CDH19: variants seen among roughly 807,000 people sequenced by gnomAD.
CDH19 encodes the protein cadherin-19.
CDH19 carries 67 observed loss-of-function variants against 64.2 expected under a neutral mutation model. The ratio of observed to expected loss-of-function variants is 1.04; its 90% CI spans 0.86 to 1.28. CDH19 has a LOEUF of 1.28. CDH19 is among the 50% of genes most tolerant of loss of function. CDH19 has a pLI of 0.00. For synonymous variants in CDH19, 346 were observed against 319.3 expected (o/e 1.08, Z -0.89); for missense variants, 1,030 against 929.0 (o/e 1.11, Z -1.41).
At position 66,538,339 on chromosome 18, in the gene CDH19, G is replaced by GTTTA. The variant is rs372702672; in HGVS notation, c.1215-3236_1215-3233dup. ...AAGTCCTATTTGATTTTTTTCCAGA[G>GTTTA]TTTACACTAATTAGTATTTTCATCT... On this transcript the variant is annotated intron_variant, in intron 7 of 11. Coordinates refer to ENST00000262150, the MANE Select transcript of CDH19 (RefSeq NM_021153.4). Among the ~76,000 whole-genome samples the GTTTA allele has an allele frequency of 1.8e-3, 277 of 152,034 alleles. 4 individuals carry two copies. The highest frequency in any genetic ancestry group is 6.4e-3 in the African/African-American group (267 of 41,464).
chr18:66,512,214 C>T (rs1425678516), intron 9 of CDH19, among the ~76,000 whole-genome samples: 1 of 151,442 alleles, frequency 6.6e-6, no homozygotes, highest in Admixed American at 6.6e-5. Context: ...TCCTTTGACC[C>T]ATAATGATTA....
chr18:66,547,030 T>C (rs2144499106), intron 5 of CDH19, among the ~76,000 whole-genome samples: 1 of 152,202 alleles, frequency 6.6e-6, no homozygotes, highest in African/African-American at 2.4e-5. Context: ...TCAAGTGATA[T>C]GATCAGACGT....
At chr18:66,543,766 C>A (rs111670587) in intron 7 of CDH19, among the ~76,000 whole-genome samples, 30 of 152,052 alleles carry the variant, frequency 2.0e-4, no homozygotes, top group African/African-American at 7.2e-4. Flanking sequence ...GCCTATAGTC[C>A]CAGCTACTAG....
intron 1 of CDH19, among the ~76,000 whole-genome samples, chr18:66,580,946 A>G (rs756945611): frequency 1.3e-5 from 2 of 152,112 alleles, no homozygotes; most frequent in Non-Finnish European, 2.9e-5. Flanking sequence ...AGCTGTCAGC[A>G]TTGCTAGACT....
At chr18:66,562,504 C>A (rs1345465208) in intron 3 of CDH19, among the ~76,000 whole-genome samples, 1 of 151,962 alleles carries the variant, frequency 6.6e-6, no homozygotes, top group Non-Finnish European at 1.5e-5. Context: ...TGAGGCTTAG[C>A]TCTTTTGCCT....
chr18:66,582,360 T>C (rs1167159235), intron 1 of CDH19, among the ~76,000 whole-genome samples: 2 of 151,822 alleles, frequency 1.3e-5, no homozygotes, highest in Admixed American at 6.6e-5. Flanking sequence ...TCTTAAAAAA[T>C]CAAGGGAAAC....
At chr18:66,510,203 C>T (rs1054141959) in intron 10 of CDH19, among the ~76,000 whole-genome samples, 11 of 151,728 alleles carry the variant, frequency 7.2e-5, no homozygotes, top group African/African-American at 2.7e-4. Context: ...TAGGACATTT[C>T]CCAAATCACC....
chr18:66,554,115 C>T (rs867009223), intron 4 of CDH19, among the ~76,000 whole-genome samples: 2 of 151,474 alleles, frequency 1.3e-5, no homozygotes, highest in Non-Finnish European at 2.9e-5. Context: ...ATGTTTTTTC[C>T]CTATATTTTT....
rs926811536 is a variant in CDH19, at chr18:66,591,638, A to T, written c.-113+12316T>A. 3.3e-5 allele frequency among the ~76,000 whole-genome samples: 5 copies of T among 151,832 alleles called. 1 individual carries two copies. The highest frequency in any genetic ancestry group is 1.5e-5 in the Non-Finnish European group (1 of 67,822). ...CAGAAGGTTAAAATTCTTACCTTAT[A>T]TTGTCACTGTCACGTCCGAATATAG... On this transcript the variant is annotated intron_variant, in intron 1 of 11. Transcript: ENST00000262150.
intron 7 of CDH19, among the ~76,000 whole-genome samples, chr18:66,541,621 T>C (rs1248338254): frequency 6.6e-6 from 1 of 152,100 alleles, no homozygotes; most frequent in Admixed American, 6.5e-5. Flanking sequence ...AAATCAACAA[T>C]ATCAACAACA....
At chr18:66,541,305 C>T (rs941180044) in intron 7 of CDH19, among the ~76,000 whole-genome samples, 4 of 152,010 alleles carry the variant, frequency 2.6e-5, no homozygotes, top group African/African-American at 9.7e-5. Context: ...GTTTCTCCCA[C>T]AACAATGAGA....
chr18:66,523,643 T>G (rs1986089475), intron 9 of CDH19, among the ~76,000 whole-genome samples: 1 of 149,964 alleles, frequency 6.7e-6, no homozygotes. Flanking sequence ...CTCAAGGCGG[T>G]TGTCATGAGC....
intron 3 of CDH19, 23 bp downstream of exon 3, chr18:66,568,393 T>C: frequency 6.4e-7 from 1 of 1,556,188 alleles, no homozygotes; most frequent in South Asian, 1.2e-5. Flanking sequence ...AATATATCTT[T>C]GATGTAAATT....
Position 66,504,588 on chromosome 18 carries a change from T to C in CDH19, c.*224A>G. 1 of 421,824 alleles carries C rather than the reference T, an allele frequency of 2.4e-6. No individual in the cohort carries two copies. The highest frequency in any genetic ancestry group is 3.2e-5 in the East Asian group (1 of 31,042). The allele number at this position is 421,824 out of a possible 1,614,324, so 26.1% of individuals were successfully genotyped here. A position where few individuals can be genotyped will look rare whatever the true frequency, so the allele number is the denominator to read the frequency against. On this transcript the variant is annotated 3_prime_UTR_variant, in exon 12 of 12. Coordinates refer to ENST00000262150, the MANE Select transcript of CDH19 (RefSeq NM_021153.4). ...AATTATTTTACTTCAAATCTGGTTG[T>C]ATTGATGCCTGTGAGCTGATTGTTT...
chr18:66,586,108 G>C (rs1168279790), intron 1 of CDH19, among the ~76,000 whole-genome samples: 1 of 152,028 alleles, frequency 6.6e-6, no homozygotes, highest in Non-Finnish European at 1.5e-5. Context: ...ATTCCGGAAA[G>C]CTCATGGAAA....
At chr18:66,590,528 A>T (rs962179067) in intron 1 of CDH19, among the ~76,000 whole-genome samples, 7 of 26,174 alleles carry the variant, frequency 2.7e-4, no homozygotes, top group Admixed American at 2.5e-3. Context: ...TATATCTTTA[A>T]AAAAAAAAAA....
chr18:66,506,180 G>A (rs1189670742), intron 11 of CDH19, among the ~76,000 whole-genome samples: 1 of 152,004 alleles, frequency 6.6e-6, no homozygotes, highest in Non-Finnish European at 1.5e-5. Context: ...AGTCAGGGGA[G>A]TGGGGCTGAA....
intron 1 of CDH19, among the ~76,000 whole-genome samples, chr18:66,600,463 A>C (rs2144648855): frequency 6.6e-6 from 1 of 152,004 alleles, no homozygotes; most frequent in Admixed American, 6.6e-5. Flanking sequence ...ACATGATTAT[A>C]ATCTCATAAA....
chr18:66,527,433 T>C (rs774365274), intron 9 of CDH19, among the ~76,000 whole-genome samples: 4 of 151,988 alleles, frequency 2.6e-5, no homozygotes, highest in South Asian at 4.1e-4. Flanking sequence ...TCTAGTAATA[T>C]ATTGAGGAAA....
Sources: gnomAD v4.1 joint callset for allele counts (sites outside exome capture counted in the v4.1 genomes callset) on GRCh38, gnomAD v4.1.1 for gene constraint, MANE v1.5 for transcripts, NCBI Gene and HGNC (gene_info 2026-07-23, HGNC 2026-07-21) for gene names.